The following ATP8A1 variants were observed in gnomAD, a reference collection of about 807,000 sequenced individuals.
ATP8A1 encodes the protein phospholipid-transporting ATPase IA.
A neutral mutation model predicts 177.7 loss-of-function variants in ATP8A1; 90 were observed. The ratio of observed to expected loss-of-function variants is 0.51; its 90% CI spans 0.43 to 0.60. The LOEUF is 0.60. Among genes scored for constraint, ATP8A1 ranks in the 20% least tolerant of loss-of-function variants. The pLI is 0.00. For synonymous variants in ATP8A1, 493 were observed against 485.9 expected (o/e 1.01, Z -0.19); for missense variants, 1,072 against 1,392.8 (o/e 0.77, Z 3.67).
At chr4:42,467,375 A>G (rs1719885588) in intron 25 of ATP8A1, among the ~76,000 whole-genome samples, 1 of 152,192 alleles carries the variant, frequency 6.6e-6, no homozygotes, top group Non-Finnish European at 1.5e-5. Context: ...TAGCCAGAGC[A>G]TCTGCTTCCA....
intron 23 of ATP8A1, 116 bp from the exon 24 acceptor site, chr4:42,503,630 C>T: frequency 1.6e-6 from 1 of 637,312 alleles, no homozygotes. Context: ...TGACTGAGGG[C>T]AACCAGTTGT....
At chr4:42,452,084 G>T in intron 29 of ATP8A1, 25 bp from the exon 30 acceptor site, 1 of 1,561,794 alleles carries the variant, frequency 6.4e-7, no homozygotes. Flanking sequence ...AAATCCATGA[G>T]AACCATTTGC....
At chr4:42,492,429 C>T (rs1484771529) in intron 24 of ATP8A1, among the ~76,000 whole-genome samples, 2 of 152,216 alleles carry the variant, frequency 1.3e-5, no homozygotes, top group South Asian at 2.1e-4. Flanking sequence ...ATTTTGATGG[C>T]GTTAAGAGGT....
chr4:42,513,087 C>T (rs1725177747), intron 22 of ATP8A1, among the ~76,000 whole-genome samples: 1 of 152,188 alleles, frequency 6.6e-6, no homozygotes, highest in African/African-American at 2.4e-5. Flanking sequence ...GAGTTTGCAA[C>T]TCCTGATGTA....
chr4:42,444,134 C>T (rs935254928), intron 32 of ATP8A1, among the ~76,000 whole-genome samples: 2 of 152,060 alleles, frequency 1.3e-5, no homozygotes, highest in Admixed American at 6.5e-5. Context: ...GGGGGTACAC[C>T]GCAAAACTAA....
At chr4:42,477,360 G>T (rs1721178061) in intron 25 of ATP8A1, among the ~76,000 whole-genome samples, 4 of 152,182 alleles carry the variant, frequency 2.6e-5, no homozygotes, top group Admixed American at 2.6e-4. Context: ...TTAAGGTAGG[G>T]AAACAGCAAC....
At chr4:42,538,944 A>T (rs1728105660) in intron 20 of ATP8A1, among the ~76,000 whole-genome samples, 2 of 152,256 alleles carry the variant, frequency 1.3e-5, no homozygotes, top group Admixed American at 6.5e-5. Flanking sequence ...TATACAAAAA[A>T]GATACTTGCA....
rs1277974027 is a variant in ATP8A1 at position 42,414,904 on chromosome 4, G to T, written c.3306-186C>A. 5.3e-6 allele frequency: 3 copies of T among 570,252 alleles called. No homozygotes were observed. The East Asian group carries it at 8.8e-5, about 17-fold the overall frequency. 35.3% of individuals were successfully genotyped at this position (570,252 alleles called of 1,614,324 possible). On this transcript the variant is annotated intron_variant, in intron 35 of 36. Coordinates refer to ENST00000381668, the MANE Select transcript of ATP8A1 (RefSeq NM_006095.2). ...ATTTCAAGTATTTAGACAGACTTTT[G>T]AGGCCATTTTCTCCCTAAGGAGTTT...
At chr4:42,617,166 G>A (rs1402652454) in intron 4 of ATP8A1, among the ~76,000 whole-genome samples, 1 of 152,160 alleles carries the variant, frequency 6.6e-6, no homozygotes. Flanking sequence ...CTAGAAGTGT[G>A]GATTAGCACT....
chr4:42,601,476 T>C (rs906069971), intron 5 of ATP8A1, among the ~76,000 whole-genome samples: 1 of 152,016 alleles, frequency 6.6e-6, no homozygotes, highest in Non-Finnish European at 1.5e-5. Context: ...TTATCCAGTA[T>C]AATTTTTTTT....
intron 35 of ATP8A1, among the ~76,000 whole-genome samples, chr4:42,418,034 G>A (rs1322284932): frequency 1.3e-5 from 2 of 152,178 alleles, no homozygotes; most frequent in Non-Finnish European, 2.9e-5. Flanking sequence ...ATATAAAATC[G>A]AGTGTGAACA....
chr4:42,558,631 TA>T (rs1367389220), intron 15 of ATP8A1, among the ~76,000 whole-genome samples: 1 of 152,214 alleles, frequency 6.6e-6, no homozygotes, highest in Non-Finnish European at 1.5e-5. Context: ...GACTTTTTTT[TA>T]AATTCAAAAT....
At chr4:42,600,144 CA>C (rs5857857) in intron 6 of ATP8A1, among the ~76,000 whole-genome samples, 146,160 of 152,230 alleles carry the variant, frequency 0.96, 70,409 homozygotes, top group East Asian at 1. Context: ...CATCAGAACT[CA>C]AAATTCTTAT....
At chr4:42,443,004 C>A (rs1695215262) in intron 33 of ATP8A1, among the ~76,000 whole-genome samples, 1 of 152,186 alleles carries the variant, frequency 6.6e-6, no homozygotes, top group South Asian at 2.1e-4. Flanking sequence ...TAACTCAATT[C>A]CTACCCGTGT....
chr4:42,649,437 A>G (rs1402274283), intron 1 of ATP8A1, among the ~76,000 whole-genome samples: 1 of 152,190 alleles, frequency 6.6e-6, no homozygotes, highest in Non-Finnish European at 1.5e-5. Flanking sequence ...AAATTCTAAC[A>G]TTGTAAATAT....
chr4:42,542,161 T>C (rs1360112688), intron 20 of ATP8A1, among the ~76,000 whole-genome samples: 1 of 152,118 alleles, frequency 6.6e-6, no homozygotes, highest in African/African-American at 2.4e-5. Flanking sequence ...TTCTGCTGAA[T>C]TTTGCTGGGG....
Position 42,656,987 on chromosome 4 carries a change from G to A in ATP8A1, c.-114C>T. On this transcript the variant is annotated 5_prime_UTR_variant, in exon 1 of 37. Transcript: ENST00000381668. ...AGCGCTCAGCTGCAGCCTGGGCCGC[G>A]CCGCCGCCCACCTAGGGCAGAGCTG... 8.7e-7 allele frequency: 1 copy of A among 1,144,120 alleles called. No individual in the cohort carries two copies. Among genetic ancestry groups the A allele is most frequent in the Non-Finnish European group, 1.1e-6 (1 of 894,128 alleles). 70.9% of individuals were successfully genotyped at this position (1,144,120 alleles called of 1,614,324 possible). A position where few individuals can be genotyped will look rare whatever the true frequency, so the allele number is the denominator to read the frequency against.
intron 25 of ATP8A1, among the ~76,000 whole-genome samples, chr4:42,477,481 C>T (rs1161481247): frequency 1.3e-5 from 2 of 152,164 alleles, no homozygotes; most frequent in African/African-American, 4.8e-5. Context: ...ATCCCATACC[C>T]ATCCCCCTCT....
chr4:42,419,324 A>G (rs1033982240), intron 35 of ATP8A1, among the ~76,000 whole-genome samples: 1 of 152,220 alleles, frequency 6.6e-6, no homozygotes, highest in African/African-American at 2.4e-5. Context: ...GCTATGACTA[A>G]GACATGGGCC....
Sources: allele counts gnomAD v4.1 joint callset (sites outside exome capture counted in the v4.1 genomes callset), GRCh38; gene constraint gnomAD v4.1.1; transcripts MANE v1.5; gene names NCBI Gene and HGNC (gene_info 2026-07-23, HGNC 2026-07-21).